CTNND2: variants seen among roughly 807,000 people sequenced by gnomAD.
CTNND2 encodes the protein catenin delta 2.
A neutral mutation model predicts 144.4 loss-of-function variants in CTNND2; 22 were observed. The ratio of observed to expected loss-of-function variants is 0.15; its 90% CI spans 0.11 to 0.22. The LOEUF is 0.22. Ranked by LOEUF, CTNND2 falls within the 10% of genes least tolerant of loss-of-function variation. CTNND2 has a pLI of 1.00. For missense variants in CTNND2, 1,353 were observed against 1,618.8 expected, an observed-to-expected ratio of 0.84 and a Z score of 2.82; for synonymous variants, 751 against 695.6, an observed-to-expected ratio of 1.08 and a Z score of -1.25.
At chr5:11,340,088 C>T (rs1230698843) in intron 9 of CTNND2, among the ~76,000 whole-genome samples, 2 of 152,182 alleles carry the variant, frequency 1.3e-5, no homozygotes, top group Non-Finnish European at 2.9e-5. Flanking sequence ...TGAGTGTTCC[C>T]ACTGGCTACC....
chr5:11,662,993 T>C (rs2126575715), intron 2 of CTNND2, among the ~76,000 whole-genome samples: 1 of 152,316 alleles, frequency 6.6e-6, no homozygotes, highest in South Asian at 2.1e-4. Context: ...AAGACCAGGA[T>C]GGTATTAAGC....
chr5:11,624,034 G>C (rs953382794), intron 2 of CTNND2, among the ~76,000 whole-genome samples: 4 of 151,420 alleles, frequency 2.6e-5, no homozygotes, highest in African/African-American at 9.7e-5. Context: ...TGACCATATA[G>C]ACTTCTTTTT....
At chr5:11,428,031 A>C (rs1429274582) in intron 3 of CTNND2, among the ~76,000 whole-genome samples, 1 of 152,144 alleles carries the variant, frequency 6.6e-6, no homozygotes, top group Admixed American at 6.5e-5. Flanking sequence ...ACCCCTGATA[A>C]ACCCATCAGA....
intron 2 of CTNND2, chr5:11,588,793 A>G (rs1779037235): frequency 2.0e-6 from 2 of 985,216 alleles, no homozygotes; most frequent in Non-Finnish European, 2.4e-6. Context: ...TAGTCTAGGC[A>G]AACAAGACGA....
intron 7 of CTNND2, among the ~76,000 whole-genome samples, chr5:11,378,657 A>G (rs536368459): frequency 3.4e-4 from 51 of 152,226 alleles, no homozygotes; most frequent in Non-Finnish European, 6.2e-4. Context: ...GCCAGATATC[A>G]TGTTGCATTT....
chr5:11,796,681 A>T (rs1396497586), intron 1 of CTNND2, among the ~76,000 whole-genome samples: 2 of 152,210 alleles, frequency 1.3e-5, no homozygotes. Context: ...TAATATACTT[A>T]AAATCATATG....
At chr5:11,547,835 T>C (rs138051110) in intron 3 of CTNND2, among the ~76,000 whole-genome samples, 1 of 152,300 alleles carries the variant, frequency 6.6e-6, no homozygotes, top group East Asian at 1.9e-4. Flanking sequence ...TCTTTTGCAT[T>C]ATGGAGAGAA....
At position 11,065,844 on chromosome 5, in the gene CTNND2, G is replaced by T. The variant is rs572690028; in HGVS notation, c.2788+16852C>A. 4.6e-5 allele frequency among the ~76,000 whole-genome samples: 7 copies of T among 152,218 alleles called. No homozygotes were observed. In the South Asian group the frequency reaches 1.5e-3, roughly 32 times the overall value. On this transcript the variant is annotated intron_variant, in intron 16 of 21. Coordinates refer to ENST00000304623, the MANE Select transcript of CTNND2 (RefSeq NM_001332.4). ...AAATGGTCCTGCAGAGCTGTCCTTT[G>T]TGAGGGAAAATTTGCATCTGTAAAG...
chr5:11,532,779 T>C (rs1773861909), intron 3 of CTNND2, among the ~76,000 whole-genome samples: 1 of 152,224 alleles, frequency 6.6e-6, no homozygotes, highest in South Asian at 2.1e-4. Context: ...AATCAATATT[T>C]CACTGAATAA....
chr5:11,108,083 T>C (rs1752597532), intron 14 of CTNND2, among the ~76,000 whole-genome samples: 1 of 152,174 alleles, frequency 6.6e-6, no homozygotes, highest in Admixed American at 6.5e-5. Flanking sequence ...TAAATAAAAT[T>C]ATGGAGAAGT....
intron 1 of CTNND2, among the ~76,000 whole-genome samples, chr5:11,834,906 C>T (rs1794090633): frequency 1.3e-5 from 2 of 152,104 alleles, no homozygotes; most frequent in South Asian, 2.1e-4. Flanking sequence ...TTTGGGAGTC[C>T]AGAGCAGGAA....
Position 10,988,046 on chromosome 5 carries a change from A to T in CTNND2, c.3343+65T>A. 1.0e-5 allele frequency: 16 copies of T among 1,604,604 alleles called. No homozygotes were observed. The highest frequency in any genetic ancestry group is 1.3e-5 in the Non-Finnish European group (15 of 1,175,100). On this transcript the variant is annotated intron_variant, in intron 20 of 21. Transcript: ENST00000304623. This position sits in a 1 kb window ranked among gnomAD's most constrained non-coding sequence, Gnocchi z 5.9. ...CCAGCCCCGTGAAGCCTGATGTCCC[A>T]TATCTCTGCCTTGTCGCGGGTCAAG...
At chr5:11,846,911 T>G (rs1794763537) in intron 1 of CTNND2, among the ~76,000 whole-genome samples, 1 of 151,704 alleles carries the variant, frequency 6.6e-6, no homozygotes, top group Non-Finnish European at 1.5e-5. Context: ...TAACCCCAGT[T>G]AGAATGGCTA....
chr5:11,039,917 C>G lies in CTNND2; in HGVS notation c.2789-16938G>C, dbSNP rs191373898. ...TCTCTACTAAAAATGCAAAAATTAG[C>G]CAGGCATGGTGACACGTGCCTGTAG... On this transcript the variant is annotated intron_variant, in intron 16 of 21. Transcript: ENST00000304623. Among the ~76,000 whole-genome samples the G allele has an allele frequency of 2.2e-4, 34 of 152,152 alleles. No homozygotes were observed. The East Asian group carries it at 6.0e-3, about 27-fold the overall frequency.
chr5:11,615,432 G>T (rs1248745009), intron 2 of CTNND2, among the ~76,000 whole-genome samples: 1 of 152,074 alleles, frequency 6.6e-6, no homozygotes, highest in Admixed American at 6.5e-5. Flanking sequence ...TAAAAATAAT[G>T]TAAGGCCATT....
intron 11 of CTNND2, among the ~76,000 whole-genome samples, chr5:11,172,855 T>C (rs1760069655): frequency 6.6e-6 from 1 of 152,122 alleles, no homozygotes; most frequent in African/African-American, 2.4e-5. Context: ...GAAGGTATGA[T>C]GGACACTGAA....
At chr5:11,226,015 C>T (rs185267371) in intron 10 of CTNND2, among the ~76,000 whole-genome samples, 100 of 152,288 alleles carry the variant, frequency 6.6e-4, no homozygotes, top group African/African-American at 2.1e-3. Flanking sequence ...TGAGTACTGG[C>T]GGCCACCAGC....
chr5:11,170,744 T>C (rs1759823914), intron 11 of CTNND2, among the ~76,000 whole-genome samples: 2 of 152,366 alleles, frequency 1.3e-5, no homozygotes, highest in South Asian at 2.1e-4. Context: ...TGTCTGATAC[T>C]GTATTAGTCC....
intron 9 of CTNND2, among the ~76,000 whole-genome samples, chr5:11,325,008 C>T (rs1226767091): frequency 6.6e-6 from 1 of 150,712 alleles, no homozygotes; most frequent in African/African-American, 2.4e-5. Flanking sequence ...GTCTGTAGTG[C>T]AAGAATGAAC....
Sources: gnomAD v4.1 joint callset for allele counts (sites outside exome capture counted in the v4.1 genomes callset) on GRCh38, gnomAD v4.1.1 for gene constraint, Gnocchi (gnomAD v3.1) non-coding constraint, MANE v1.5 for transcripts, NCBI Gene and HGNC (gene_info 2026-07-23, HGNC 2026-07-21) for gene names.